The following PCDHA1 variants were observed in gnomAD, a reference collection of about 807,000 sequenced individuals.
PCDHA1 encodes the protein protocadherin alpha-1.
In PCDHA1, 42 loss-of-function variants were observed where a neutral mutation model predicts 61.3. That is an observed-to-expected ratio of 0.69 (90% CI 0.54 to 0.89). The LOEUF (loss-of-function observed/expected upper bound fraction) is 0.89. Ranked by LOEUF, PCDHA1 falls within the 40% of genes least tolerant of loss-of-function variation. The probability of loss-of-function intolerance (pLI) is 0.00; values close to 1 mark genes in which losing one functional copy is unlikely to be tolerated. For missense variants in PCDHA1, 1,256 were observed against 1,235.3 expected (o/e 1.02, Z -0.25); for synonymous variants, 610 against 553.8 (o/e 1.10, Z -1.43).
In PCDHA1 at chr5:140,858,604, A is replaced by T. The variant is rs547814145; in HGVS notation, c.2394+69920A>T. 1.3e-3 allele frequency: 1,648 copies of T among 1,276,538 alleles called. 106 individuals carry two copies. The South Asian group carries it at 0.023, about 18-fold the overall frequency. 79.1% of individuals were successfully genotyped at this position (1,276,538 alleles called of 1,614,324 possible). ...TATAATTTATTCCAGGAGTTTTAAA[A>T]TTTTTTTATCCTACCCAGTGTGTCA... On this transcript the variant is annotated intron_variant, in intron 1 of 3. Transcript: ENST00000504120.
chr5:140,829,741 G>T (rs1770531825), intron 1 of PCDHA1: 4 of 1,613,668 alleles, frequency 2.5e-6, no homozygotes, highest in Non-Finnish European at 3.4e-6. Context: ...GCAACGTGAC[G>T]CTGCAGGTGT....
At position 140,787,697 on chromosome 5, in the gene PCDHA1, G is replaced by A. The variant is rs1554117936; in HGVS notation, c.1407G>A (p.Pro469=). The A allele has an allele frequency of 6.2e-7, 1 of 1,613,906 alleles. No homozygotes were observed. The highest frequency in any genetic ancestry group is 2.2e-5 in the East Asian group (1 of 44,872). Residue 469 remains proline, a synonymous_variant, in exon 1 of 4, where the codon CCG becomes CCA. Transcript: ENST00000504120. ...CAGTATTCGTGAAGGAGAACAACCCGCCGGGCTGCCACATCTTCACGGTGT... is the reference window on the plus strand; with the variant it reads ...CAGTATTCGTGAAGGAGAACAACCCACCGGGCTGCCACATCTTCACGGTGT... ...EYTVFVKENN[P]PGCHIFTVSA... is the part of the protein sequence containing the mutation.
intron 1 of PCDHA1, among the ~76,000 whole-genome samples, chr5:140,789,643 CG>C (rs782244724): frequency 5.3e-5 from 8 of 152,222 alleles, no homozygotes; most frequent in Non-Finnish European, 1.0e-4. Context: ...TTTGCTATTT[CG>C]GGGATCCAGT....
At chr5:140,808,556 C>T (rs1379449486) in intron 1 of PCDHA1, 5 of 1,614,012 alleles carry the variant, frequency 3.1e-6, no homozygotes, top group Non-Finnish European at 4.2e-6. Flanking sequence ...GGCGTTCGCG[C>T]AGCCCGAGTA....
At chr5:140,867,679 G>A (rs1264964965) in intron 1 of PCDHA1, 1 of 151,996 alleles carries the variant, frequency 6.6e-6, no homozygotes, top group Non-Finnish European at 1.5e-5. Flanking sequence ...AAATTTTGTT[G>A]CATCTTCTTT....
In PCDHA1 at chr5:140,857,194, A is replaced by G. The variant is rs187713139; in HGVS notation, c.2394+68510A>G. On this transcript the variant is annotated intron_variant, in intron 1 of 3. Transcript: ENST00000504120. ...CTGACCATGATTCAGGAGCCAACGG[A>G]CAGGTCACCTGCTCTCTGACGCCTC... 4 of 1,598,542 alleles carry G rather than the reference A, an allele frequency of 2.5e-6. 1 individual carries two copies. The highest frequency in any genetic ancestry group is 1.3e-5 in the African/African-American group (1 of 74,440).
At chr5:140,806,935 T>C in intron 1 of PCDHA1, 1 of 553,700 alleles carries the variant, frequency 1.8e-6, no homozygotes, top group Non-Finnish European at 3.2e-6. Context: ...CCAAGTAGTT[T>C]ACAGTAGAGT....
At chr5:140,791,739 A>G (rs894983693) in intron 1 of PCDHA1, among the ~76,000 whole-genome samples, 1 of 152,254 alleles carries the variant, frequency 6.6e-6, no homozygotes, top group African/African-American at 2.4e-5. Flanking sequence ...AAGGTAGCAG[A>G]AGAAAAATAA....
chr5:140,838,261 C>T (rs2150150705), intron 1 of PCDHA1, among the ~76,000 whole-genome samples: 1 of 147,022 alleles, frequency 6.8e-6, no homozygotes, highest in African/African-American at 2.5e-5. Context: ...TTAAAGACGC[C>T]AACAACCAAG....
At chr5:140,824,610 G>GTTGTTTTTTTTTTTTTTTT (rs1768193318) in intron 1 of PCDHA1, 1 of 95,104 alleles carries the variant, frequency 1.1e-5, no homozygotes, top group African/African-American at 4.9e-5. Flanking sequence ...GCTAATTAAA[G>GTTGTTTTTTTTTTTTTTTT]TTTTTTTTTT....
Position 140,823,261 on chromosome 5 carries a change from C to T in PCDHA1, c.2394+34577C>T, listed in dbSNP as rs2150124032. ...CCTGGTGTCCTACTCGCTGGTGGAG[C>T]GGCGGGTGGGCGAGCGCCCGCTGTC... On this transcript the variant is annotated intron_variant, in intron 1 of 3. Transcript: ENST00000504120. The T allele has an allele frequency of 3.7e-6, 6 of 1,612,910 alleles. No homozygotes were observed. In the East Asian group the frequency reaches 1.1e-4, roughly 30 times the overall value.
At chr5:140,919,387 G>A (rs180927321) in intron 1 of PCDHA1, among the ~76,000 whole-genome samples, 420 of 152,292 alleles carry the variant, frequency 2.8e-3, no homozygotes, top group Middle Eastern at 6.8e-3. Context: ...ATAGTTGGAT[G>A]TTGTTTTCCT....
At chr5:140,924,906 TA>T (rs1284498744) in intron 1 of PCDHA1, among the ~76,000 whole-genome samples, 1 of 55,776 alleles carries the variant, frequency 1.8e-5, no homozygotes, top group African/African-American at 8.7e-5. Flanking sequence ...AAAAAAAAAA[TA>T]AAATAAAATA....
At chr5:141,000,391 CTCTCTATATATA>C (rs1452985170) in intron 3 of PCDHA1, among the ~76,000 whole-genome samples, 26 of 56,648 alleles carry the variant, frequency 4.6e-4, no homozygotes, top group Middle Eastern at 0.011. Flanking sequence ...CTCTCTCTCT[CTCTCTATATATA>C]TATATATATA....
In PCDHA1 at chr5:140,967,001, A is replaced by T. The variant is rs1048933252; in HGVS notation, c.2395-11948A>T. The T allele has an allele frequency of 3.1e-6, 5 of 1,605,060 alleles. No homozygotes were observed. The South Asian group carries it at 5.5e-5, about 18-fold the overall frequency. The stretch of plus-strand genomic sequence containing the variant: ...GCGCTTGGGGCCGGGTTGCTTGCGC[A>T]TCAACCATCTGGGTGCGCCCAGTCC... On this transcript the variant is annotated intron_variant, in intron 1 of 3. Transcript: ENST00000504120.
intron 1 of PCDHA1, chr5:140,863,562 G>T: frequency 5.3e-6 from 2 of 376,150 alleles, no homozygotes; most frequent in South Asian, 4.2e-5. Flanking sequence ...AAATTTTTGA[G>T]AATATAAGTA....
At chr5:140,957,373 T>G (rs906109440) in intron 1 of PCDHA1, among the ~76,000 whole-genome samples, 1 of 152,192 alleles carries the variant, frequency 6.6e-6, no homozygotes, top group Non-Finnish European at 1.5e-5. Flanking sequence ...ACTTTTATTA[T>G]AGTGTATTGT....
At chr5:140,850,410 G>T (rs369126896) in intron 1 of PCDHA1, 1 of 1,597,934 alleles carries the variant, frequency 6.3e-7, no homozygotes, top group Middle Eastern at 1.7e-4. Flanking sequence ...TGCCCTGGAC[G>T]AAACGGACGC....
chr5:140,959,057 G>A (rs1437392976), intron 1 of PCDHA1, among the ~76,000 whole-genome samples: 1 of 152,092 alleles, frequency 6.6e-6, no homozygotes, highest in Non-Finnish European at 1.5e-5. Context: ...AAAAAATGCA[G>A]TATATATAGA....
Sources: allele counts gnomAD v4.1 joint callset (sites outside exome capture counted in the v4.1 genomes callset), GRCh38; gene constraint gnomAD v4.1.1; transcripts MANE v1.5; gene names NCBI Gene and HGNC (gene_info 2026-07-23, HGNC 2026-07-21).